The following POLN variants were observed in gnomAD, a reference collection of about 807,000 sequenced individuals.
The protein encoded by POLN is DNA polymerase N.
Under a neutral mutation model 113.5 loss-of-function variants are expected in POLN, and 108 were observed. The ratio of observed to expected loss-of-function variants is 0.95; its 90% CI spans 0.81 to 1.12. The LOEUF (loss-of-function observed/expected upper bound fraction) is 1.12. POLN is among the 50% of genes most tolerant of loss of function. The pLI, the probability that POLN is intolerant of heterozygous loss-of-function variation, is 0.00. For synonymous variants in POLN, 386 were observed against 391.5 expected, an observed-to-expected ratio of 0.99 and a Z score of 0.17; for missense variants, 1,097 against 1,077.1, an observed-to-expected ratio of 1.02 and a Z score of -0.26.
At chr4:2,229,543 G>A (rs536355396) in intron 2 of POLN, 1 of 187,776 alleles carries the variant, frequency 5.3e-6, no homozygotes, top group Admixed American at 6.1e-5. Context: ...TCTTCAAATA[G>A]GCTGAGCGCG....
intron 3 of POLN, among the ~76,000 whole-genome samples, chr4:2,222,143 C>A (rs144129985): frequency 2.1e-4 from 32 of 152,170 alleles, no homozygotes; most frequent in African/African-American, 7.0e-4. Flanking sequence ...CAAACTGGTC[C>A]GATACTCAAG....
intron 6 of POLN, among the ~76,000 whole-genome samples, chr4:2,197,596 A>T (rs1426052198): frequency 6.6e-6 from 1 of 152,256 alleles, no homozygotes; most frequent in African/African-American, 2.4e-5. Flanking sequence ...TCATCCAGAT[A>T]TTAGGGCTCT....
chr4:2,132,235 TA>T (rs1561022713), intron 16 of POLN, among the ~76,000 whole-genome samples: 1 of 152,068 alleles, frequency 6.6e-6, no homozygotes, highest in Non-Finnish European at 1.5e-5. Flanking sequence ...AGCTCAATAA[TA>T]GTGTAGAGAT....
intron 16 of POLN, among the ~76,000 whole-genome samples, chr4:2,139,100 G>C (rs1561030079): frequency 6.6e-6 from 1 of 152,156 alleles, no homozygotes; most frequent in Non-Finnish European, 1.5e-5. Context: ...AATGGGCAGA[G>C]GGAGAGGAGC....
At chr4:2,203,276 G>C (rs1733760402) in intron 5 of POLN, among the ~76,000 whole-genome samples, 1 of 152,092 alleles carries the variant, frequency 6.6e-6, no homozygotes, top group Admixed American at 6.5e-5. Context: ...AATCAAGATG[G>C]AAATTAAACA....
At chr4:2,174,446 C>T (rs1732945111) in intron 10 of POLN, among the ~76,000 whole-genome samples, 1 of 152,192 alleles carries the variant, frequency 6.6e-6, no homozygotes, top group East Asian at 1.9e-4. Context: ...CCTACTCCTC[C>T]TTGGCCAGGC....
In POLN at chr4:2,096,686, A is replaced by AAGAGAGAGAGAGAG. The variant is rs750844060; in HGVS notation, c.1983-767_1983-754dup. ...CATCTCAGATTCAGAAGCCGAGAGA[A>AAGAGAGAGAGAGAG]AGAGAGAGAGAGAGAGAGAGAGAGA... On this transcript the variant is annotated intron_variant, in intron 19 of 25. Coordinates refer to ENST00000511885, the MANE Select transcript of POLN (RefSeq NM_181808.4). Among the ~76,000 whole-genome samples, 154 of 129,998 alleles carry AAGAGAGAGAGAGAG rather than the reference A, an allele frequency of 1.2e-3. 1 individual carries two copies. Among genetic ancestry groups the AAGAGAGAGAGAGAG allele is most frequent in the African/African-American group, 2.2e-3 (75 of 33,902 alleles). 85.3% of individuals were successfully genotyped at this position (129,998 alleles called of 152,430 possible).
chr4:2,088,355 G>A (rs1323255590), intron 20 of POLN, among the ~76,000 whole-genome samples: 8 of 152,036 alleles, frequency 5.3e-5, no homozygotes, highest in Admixed American at 2.6e-4. Flanking sequence ...TGGCATTTTC[G>A]TTTATGAACA....
intron 16 of POLN, among the ~76,000 whole-genome samples, chr4:2,148,426 T>C (rs1409573993): frequency 6.6e-6 from 1 of 152,088 alleles, no homozygotes; most frequent in Non-Finnish European, 1.5e-5. Context: ...CCCAGCACTT[T>C]GGGAGGCCGA....
intron 13 of POLN, among the ~76,000 whole-genome samples, chr4:2,162,196 C>A (rs1351730376): frequency 1.3e-5 from 2 of 152,176 alleles, no homozygotes; most frequent in African/African-American, 4.8e-5. Flanking sequence ...GTCCACACTA[C>A]TTTTATGAGC....
intron 3 of POLN, among the ~76,000 whole-genome samples, chr4:2,225,864 A>G (rs1471660950): frequency 1.3e-5 from 2 of 151,780 alleles, no homozygotes; most frequent in East Asian, 3.9e-4. Flanking sequence ...AGCCAGACAC[A>G]GTAGCAAGTG....
chr4:2,212,952 A>T, intron 4 of POLN, 95 bp downstream of exon 4: 1 of 698,448 alleles, frequency 1.4e-6, no homozygotes. Flanking sequence ...AAGGTGTGGT[A>T]TCTACAGTGC....
Position 2,131,258 on chromosome 4 carries a change from C to G in POLN, c.1764G>C (p.Gln588His), listed in dbSNP as rs199604235. The G allele has an allele frequency of 4.4e-6, 7 of 1,593,820 alleles. No homozygotes were observed. In the African/African-American group the frequency reaches 9.4e-5, roughly 21 times the overall value. The part of the protein sequence containing the change: ...NIQGISKHPI[Q>H]ITTPKNFKGK... ...CTTTAAAATTCTTAGGTGTAGTAAT[C>G]TGAATTGGGTGCTTGGAGATACCTT... Residue 588 changes from glutamine (Q) to histidine (H), a missense_variant, in exon 17 of 26, where the codon CAG becomes CAC. Gln to His is a conservative substitution (Grantham distance 24). Coordinates refer to ENST00000511885, the MANE Select transcript of POLN (RefSeq NM_181808.4).
At chr4:2,145,102 G>A (rs1224581262) in intron 16 of POLN, among the ~76,000 whole-genome samples, 4 of 151,916 alleles carry the variant, frequency 2.6e-5, no homozygotes, top group Admixed American at 6.6e-5. Flanking sequence ...TAATCAGATC[G>A]CTACCTTAGA....
intron 3 of POLN, among the ~76,000 whole-genome samples, chr4:2,219,243 CATG>C (rs1396951992): frequency 6.6e-6 from 1 of 152,164 alleles, no homozygotes; most frequent in African/African-American, 2.4e-5. Flanking sequence ...ACGGAGAAAC[CATG>C]ATGATACTTT....
intron 16 of POLN, among the ~76,000 whole-genome samples, chr4:2,152,094 T>C (rs930981877): frequency 1.3e-5 from 2 of 150,956 alleles, no homozygotes; most frequent in African/African-American, 4.9e-5. Context: ...TGCAGTGGTA[T>C]CATCTCAGCT....
In POLN at chr4:2,072,994, C is replaced by T. The variant is rs775711938; in HGVS notation, c.2491G>A (p.Val831Met). 1.9e-6 allele frequency: 3 copies of T among 1,613,580 alleles called. No individual in the cohort carries two copies. In the Admixed American group the frequency reaches 5.0e-5, roughly 27 times the overall value. Residue 831 changes from valine to methionine, a missense_variant, in exon 25 of 26, where the codon GTG (valine) becomes ATG (methionine). Val to Met is a conservative substitution (Grantham distance 21, BLOSUM62 1). Transcript: ENST00000511885. ...VRRTMESLEQ[V>M]QALELQLQVP... ...TGAAGCTGCAGCTCCAATGCCTGCA[C>T]CTGTTCCAAGGACTCCATGGTCCTC... is the stretch of plus-strand genomic sequence containing the variant.
intron 7 of POLN, among the ~76,000 whole-genome samples, chr4:2,189,439 A>ACGGTCT (rs1733379262): frequency 6.6e-6 from 1 of 151,644 alleles, no homozygotes; most frequent in African/African-American, 2.4e-5. Flanking sequence ...GGAGAACGAG[A>ACGGTCT]CCATCCTGGC....
intron 3 of POLN, among the ~76,000 whole-genome samples, chr4:2,213,393 G>C (rs1408042664): frequency 1.3e-5 from 2 of 152,106 alleles, no homozygotes; most frequent in Admixed American, 6.5e-5. Context: ...ATTTGCATTT[G>C]AATACATGAC....
Sources: gnomAD v4.1 joint callset for allele counts (sites outside exome capture counted in the v4.1 genomes callset) on GRCh38, gnomAD v4.1.1 for gene constraint, MANE v1.5 for transcripts, NCBI Gene and HGNC (gene_info 2026-07-23, HGNC 2026-07-21) for gene names.